The following DCT variants were observed in gnomAD, a reference collection of about 807,000 sequenced individuals.
DCT encodes the protein L-dopachrome tautomerase.
Under a neutral mutation model 53.0 loss-of-function variants are expected in DCT, and 47 were observed. That is an observed-to-expected ratio of 0.89 (90% confidence interval 0.70 to 1.13). DCT has a LOEUF of 1.13. Ranked by LOEUF, DCT falls within the 50% of genes most tolerant of loss-of-function variation. DCT has a pLI of 0.00. For synonymous variants in DCT, 244 were observed against 237.0 expected, an observed-to-expected ratio of 1.03 and a Z score of -0.27; for missense variants, 669 against 637.4, an observed-to-expected ratio of 1.05 and a Z score of -0.53.
chr13:94,445,652 T>C (rs764253216), intron 6 of DCT: 4 of 1,023,068 alleles, frequency 3.9e-6, no homozygotes, highest in Middle Eastern at 4.1e-4. Context: ...CGTAATCTGT[T>C]ATGCAGAAAT....
chr13:94,513,250 C>T, the DCT span, among the ~76,000 whole-genome samples: 8 of 152,188 alleles, frequency 5.3e-5, no homozygotes, highest in Non-Finnish European at 1.0e-4. Context: ...CTTTGAGATG[C>T]TAACAGGCTG....
At chr13:94,498,612 C>T in the DCT span, among the ~76,000 whole-genome samples, 237 of 152,340 alleles carry the variant, frequency 1.6e-3, 1 homozygote, top group African/African-American at 5.3e-3. Flanking sequence ...GAAATCAACA[C>T]TTGTTGTTGA....
At chr13:94,473,640 C>A (rs1174300462) in intron 1 of DCT, among the ~76,000 whole-genome samples, 1 of 152,166 alleles carries the variant, frequency 6.6e-6, no homozygotes, top group Non-Finnish European at 1.5e-5. Flanking sequence ...AATGATTAAT[C>A]CTGATTCAGA....
chr13:94,462,193 A>C lies in DCT; in HGVS notation c.864-4T>G. 1 of 1,607,564 alleles carries C rather than the reference A, an allele frequency of 6.2e-7. No homozygotes were observed. The highest frequency in any genetic ancestry group is 8.5e-7 in the Non-Finnish European group (1 of 1,174,310). ...CAGGTGGTTGTAGTCATCCAAGCTA[A>C]GATTTGTAATAAGATTTAAAATAAT... On this transcript the variant is annotated splice_region_variant and splice_polypyrimidine_tract_variant and intron_variant, in intron 4 of 7. Transcript: ENST00000377028.
chr13:94,537,336 T>C, the DCT span, among the ~76,000 whole-genome samples: 3 of 152,268 alleles, frequency 2.0e-5, no homozygotes, highest in African/African-American at 7.2e-5. Context: ...GAACATCTAG[T>C]AACTTGAAAG....
chr13:94,459,552 T>C (rs1015347139), intron 6 of DCT, among the ~76,000 whole-genome samples: 4 of 152,212 alleles, frequency 2.6e-5, no homozygotes, highest in Admixed American at 2.0e-4. Context: ...GTTGATGTTC[T>C]AGGAGATTGT....
chr13:94,516,982 A>C, the DCT span, among the ~76,000 whole-genome samples: 53,085 of 152,088 alleles, frequency 0.35, 9,702 homozygotes, highest in East Asian at 0.61. Context: ...CCAATTTCAA[A>C]AGCGTGTTCT....
the DCT span, among the ~76,000 whole-genome samples, chr13:94,501,519 AT>A: frequency 2.6e-5 from 4 of 152,040 alleles, no homozygotes; most frequent in African/African-American, 9.7e-5. Flanking sequence ...ACAAATGTTT[AT>A]TAAGCACCTA....
rs770558686 is a variant in DCT at position 94,465,723 on chromosome 13, G to A, written c.773C>T (p.Thr258Ile). The change falls in exon 4 of 8, where the codon ACA becomes ATA. Residue 258 changes from threonine (T) to isoleucine (I), a missense_variant. Physicochemically the swap from Thr to Ile is moderately conservative, Grantham distance 89 (BLOSUM62 -1). Coordinates refer to ENST00000377028, the MANE Select transcript of DCT (RefSeq NM_001922.5). ...TCTCGCTGCCCCAAACAGCTGGTCT[G>A]TACACACATCACACTCGTTCCTCCC... is the stretch of plus-strand genomic sequence containing the variant. ...ATGRNECDVC[T>I]DQLFGAARPD... 6.2e-7 allele frequency: 1 copy of A among 1,613,042 alleles called. No homozygotes were observed. The highest frequency in any genetic ancestry group is 8.5e-7 in the Non-Finnish European group (1 of 1,179,746).
Position 94,479,418 on chromosome 13 carries a change from G to T in DCT, c.-163C>A. ...AAAAAATACCCACAAGAATCACAGA[G>T]GTTACATGTGTGCACATGTGTACAT... On this transcript the variant is annotated 5_prime_UTR_variant, in exon 1 of 8. Coordinates refer to ENST00000377028, the MANE Select transcript of DCT (RefSeq NM_001922.5). The T allele has an allele frequency of 1.5e-6, 1 of 674,988 alleles. No individual in the cohort carries two copies. Among genetic ancestry groups the T allele is most frequent in the Non-Finnish European group, 2.4e-6 (1 of 410,136 alleles). 41.8% of individuals were successfully genotyped at this position (674,988 alleles called of 1,614,324 possible).
At chr13:94,501,634 C>CAG in the DCT span, among the ~76,000 whole-genome samples, 54 of 148,606 alleles carry the variant, frequency 3.6e-4, no homozygotes, top group South Asian at 1.7e-3. Flanking sequence ...AAGACAGAGA[C>CAG]AGAGAGAGAG....
upstream of DCT, among the ~76,000 whole-genome samples, chr13:94,482,014 A>G (rs983547019): frequency 7.0e-4 from 106 of 152,252 alleles, no homozygotes; most frequent in African/African-American, 2.5e-3. Context: ...GTTAAGAACA[A>G]TAAGAATAGA....
At chr13:94,494,018 A>AT in the DCT span, among the ~76,000 whole-genome samples, 4 of 152,254 alleles carry the variant, frequency 2.6e-5, no homozygotes, top group South Asian at 2.1e-4. Context: ...AAGGCTATTA[A>AT]TTTTTTTAAA....
the DCT span, among the ~76,000 whole-genome samples, chr13:94,518,837 G>A: frequency 6.6e-6 from 1 of 152,156 alleles, no homozygotes; most frequent in Non-Finnish European, 1.5e-5. Flanking sequence ...ATGGACTCCA[G>A]CTCTGCTTCA....
At chr13:94,466,880 G>A (rs948935803) in intron 2 of DCT, 1 of 292,846 alleles carries the variant, frequency 3.4e-6, no homozygotes, top group East Asian at 5.9e-5. Flanking sequence ...CTCTTAAAAG[G>A]TTGATTTCTA....
At chr13:94,514,307 C>T in the DCT span, among the ~76,000 whole-genome samples, 3 of 131,920 alleles carry the variant, frequency 2.3e-5, no homozygotes, top group Non-Finnish European at 3.3e-5. Flanking sequence ...GTGGCCAAAC[C>T]ACCAAAACGG....
intron 4 of DCT, 182 bp downstream of exon 4, chr13:94,465,451 T>C (rs1884109779): frequency 2.4e-6 from 1 of 420,798 alleles, no homozygotes; most frequent in East Asian, 3.8e-5. Context: ...TTGATATTTT[T>C]TTTTTAATTA....
At chr13:94,449,535 C>G (rs9524493) in intron 6 of DCT, among the ~76,000 whole-genome samples, 54,486 of 152,036 alleles carry the variant, frequency 0.36, 10,534 homozygotes, top group Non-Finnish European at 0.44. Flanking sequence ...CTCTGGTCCT[C>G]TGAGAGTCAG....
intron 6 of DCT, chr13:94,444,444 G>C (rs768324648): frequency 1.2e-5 from 6 of 512,748 alleles, no homozygotes; most frequent in Non-Finnish European, 1.9e-5. Flanking sequence ...AGTCTAAAAA[G>C]GTAATGTACA....
Sources: allele counts gnomAD v4.1 joint callset (sites outside exome capture counted in the v4.1 genomes callset), GRCh38; gene constraint gnomAD v4.1.1; transcripts MANE v1.5; gene names NCBI Gene and HGNC (gene_info 2026-07-23, HGNC 2026-07-21).